Variants in TRPC5 observed in about 807,000 individuals in gnomAD.
TRPC5 encodes the protein short transient receptor potential channel 5.
A neutral mutation model predicts 56.5 loss-of-function variants in TRPC5; 9 were observed. That is an observed-to-expected ratio of 0.16 (90% confidence interval 0.10 to 0.28). The LOEUF (loss-of-function observed/expected upper bound fraction) is 0.28. TRPC5 is among the 10% of genes least tolerant of loss of function. The pLI is 1.00. For synonymous variants in TRPC5, 282 were observed against 278.5 expected (o/e 1.01, Z -0.13); for missense variants, 469 against 748.9 (o/e 0.63, Z 4.36).
At chrX:112,046,061 G>A (rs1930011235) in intron 1 of TRPC5, among the ~76,000 whole-genome samples, 1 of 110,270 alleles carries the variant, frequency 9.1e-6, no homozygotes, top group East Asian at 2.8e-4. Flanking sequence ...CTATTACAAT[G>A]CACAGCCCTA....
At chrX:111,824,229 CAAAAAAAAA>C (rs1173966332) in intron 7 of TRPC5, among the ~76,000 whole-genome samples, 7 of 54,600 alleles carry the variant, frequency 1.3e-4, no homozygotes, top group Non-Finnish European at 2.4e-4. Context: ...GACCCTGTCT[CAAAAAAAAA>C]AAAAAAAAAA....
At chrX:112,053,951 C>G (rs1289327508) in intron 1 of TRPC5, among the ~76,000 whole-genome samples, 4 of 111,909 alleles carry the variant, frequency 3.6e-5, no homozygotes, top group Non-Finnish European at 7.5e-5. Context: ...TAAAGTTGTA[C>G]AAATTATAGC....
Position 111,938,578 on chromosome X carries a change from G to A in TRPC5, c.378+13465C>T, listed in dbSNP as rs1214816913. On this transcript the variant is annotated intron_variant, in intron 2 of 10. Transcript: ENST00000262839. Reference sequence around the variant, plus strand: ...TGAAGGGTTGTTGAATTTTGTCAAAGGCCTTTTCTGCATCTATTGAGATAA... The same window carrying A: ...TGAAGGGTTGTTGAATTTTGTCAAAAGCCTTTTCTGCATCTATTGAGATAA... Among the ~76,000 whole-genome samples, 67 of 111,052 alleles carry A rather than the reference G, an allele frequency of 6.0e-4. No individual in the cohort carries two copies. In the Admixed American group the frequency reaches 6.4e-3, roughly 11 times the overall value.
intron 1 of TRPC5, among the ~76,000 whole-genome samples, chrX:111,996,906 G>A (rs1928552356): frequency 9.0e-6 from 1 of 111,248 alleles, no homozygotes; most frequent in South Asian, 3.8e-4. Flanking sequence ...TTGCATGTGA[G>A]ATGGGTCTCC....
chrX:111,773,040 A>G lies in TRPC5; in HGVS notation c.*3273T>C, dbSNP rs144650888. 2.0e-3 allele frequency among the ~76,000 whole-genome samples: 228 copies of G among 112,069 alleles called. No homozygotes were observed. The highest frequency in any genetic ancestry group is 7.3e-3 in the African/African-American group (224 of 30,875). ...AAAAGTGGAGGCGTTCGTTTTTTAA[A>G]AATGATTTAATCAAATTGCAGACAG... On this transcript the variant is annotated 3_prime_UTR_variant, in exon 11 of 11. Transcript: ENST00000262839.
intron 10 of TRPC5, 52 bp from the exon 11 acceptor site, chrX:111,777,054 A>G (rs1945884715): frequency 3.4e-5 from 34 of 1,003,557 alleles, no homozygotes; most frequent in Non-Finnish European, 4.2e-5. Flanking sequence ...CTTTATTTCA[A>G]AGTAGGCACA....
chrX:111,808,451 C>T (rs1455375944), intron 7 of TRPC5, among the ~76,000 whole-genome samples: 1 of 110,963 alleles, frequency 9.0e-6, no homozygotes, highest in Non-Finnish European at 1.9e-5. Context: ...CAAGTATTGC[C>T]TGCCTACTGC....
At chrX:111,881,360 TAG>T (rs1466140975) in intron 3 of TRPC5, among the ~76,000 whole-genome samples, 1 of 109,946 alleles carries the variant, frequency 9.1e-6, no homozygotes, top group East Asian at 2.9e-4. Flanking sequence ...GTATTTTTAG[TAG>T]AGATGGGGTT....
chrX:111,996,846 T>C (rs1928550509), intron 1 of TRPC5, among the ~76,000 whole-genome samples: 1 of 111,587 alleles, frequency 9.0e-6, no homozygotes. Context: ...TTGCTTTCCA[T>C]TGGCTTGGTA....
chrX:111,831,183 C>T lies in TRPC5; in HGVS notation c.1896+3738G>A, dbSNP rs1479704528. Among the ~76,000 whole-genome samples, 3 of 112,359 alleles carry T rather than the reference C, an allele frequency of 2.7e-5. No individual in the cohort carries two copies. In the East Asian group the frequency reaches 8.4e-4, roughly 32 times the overall value. ...TTTACTTGCTGGATTGTCGGGAGGT[C>T]TGGGTATGTCATAGAAGGAACAGCT... is the stretch of plus-strand genomic sequence containing the variant. On this transcript the variant is annotated intron_variant, in intron 7 of 10. Transcript: ENST00000262839.
chrX:111,779,121 C>G (rs773683075), intron 9 of TRPC5, 47 bp from the exon 10 acceptor site: 4 of 941,349 alleles, frequency 4.2e-6, no homozygotes, highest in Non-Finnish European at 6.0e-6. Context: ...TTCTCAGGCT[C>G]TCAGTACAGT....
chrX:112,033,829 G>A (rs1929652685), intron 1 of TRPC5, among the ~76,000 whole-genome samples: 1 of 111,664 alleles, frequency 9.0e-6, no homozygotes, highest in African/African-American at 3.3e-5. Context: ...TAATAAGGAG[G>A]CTGAGGCAGG....
chrX:111,840,247 G>A (rs1445733769), intron 6 of TRPC5, among the ~76,000 whole-genome samples: 1 of 112,075 alleles, frequency 8.9e-6, no homozygotes, highest in Non-Finnish European at 1.9e-5. Context: ...TGCTTGTCTT[G>A]AACTCCTAGC....
At chrX:111,944,297 TGTGTGTGAGA>T (rs1301277986) in intron 2 of TRPC5, among the ~76,000 whole-genome samples, 1 of 87,650 alleles carries the variant, frequency 1.1e-5, no homozygotes, top group Non-Finnish European at 2.1e-5. Flanking sequence ...TGTGTGTGTG[TGTGTGTGAGA>T]GAGAGAGAGA....
intron 3 of TRPC5, among the ~76,000 whole-genome samples, chrX:111,857,960 C>G (rs1923287742): frequency 8.9e-6 from 1 of 112,346 alleles, no homozygotes; most frequent in Non-Finnish European, 1.9e-5. Context: ...ACCATCCAAC[C>G]TTTATCTTCA....
chrX:111,789,774 A>T (rs1339281243), intron 7 of TRPC5, among the ~76,000 whole-genome samples: 4 of 112,759 alleles, frequency 3.5e-5, no homozygotes, highest in Non-Finnish European at 7.5e-5. Flanking sequence ...TTCTTAAAAC[A>T]AGACATCTAT....
Position 111,960,795 on chromosome X carries a change from A to C in TRPC5, c.-21-8354T>G, listed in dbSNP as rs1016816146. 1.0e-4 allele frequency among the ~76,000 whole-genome samples: 11 copies of C among 110,523 alleles called. No individual in the cohort carries two copies. The East Asian group carries it at 2.8e-3, about 28-fold the overall frequency. ...AGGGACTACTTTACAAAATTGTTTT[A>C]TTTTATTATTTAATTAATTAATTAT... On this transcript the variant is annotated intron_variant, in intron 1 of 10. Coordinates refer to ENST00000262839, the MANE Select transcript of TRPC5 (RefSeq NM_012471.3).
chrX:111,984,442 A>G (rs1198292967), intron 1 of TRPC5, among the ~76,000 whole-genome samples: 1 of 111,997 alleles, frequency 8.9e-6, no homozygotes, highest in Non-Finnish European at 1.9e-5. Flanking sequence ...AGGTCCACTC[A>G]GCATTGTGCT....
chrX:111,858,042 T>C (rs1923290346), intron 3 of TRPC5, among the ~76,000 whole-genome samples: 1 of 112,580 alleles, frequency 8.9e-6, no homozygotes, highest in East Asian at 2.8e-4. Context: ...TTATCTTCTA[T>C]TTTTATATCT....
Sources: gnomAD v4.1 joint callset for allele counts (sites outside exome capture counted in the v4.1 genomes callset) on GRCh38, gnomAD v4.1.1 for gene constraint, MANE v1.5 for transcripts, NCBI Gene and HGNC (gene_info 2026-07-23, HGNC 2026-07-21) for gene names.